HYCC2: variants seen among roughly 807,000 people sequenced by gnomAD.
HYCC2 encodes the protein hyccin PI4KA lipid kinase complex subunit 2, also known as hyccin 2.
At chr2:200,981,894 C>A in the HYCC2 span, 1 of 1,570,564 alleles carries the variant, frequency 6.4e-7, no homozygotes, top group South Asian at 1.2e-5. This position sits in a 1 kb window ranked among gnomAD's most constrained non-coding sequence, Gnocchi z 4.5. Context: ...ATCAGACAGA[C>A]TCAGCAATAG....
chr2:201,057,829 A>G, the HYCC2 span, among the ~76,000 whole-genome samples: 29 of 152,226 alleles, frequency 1.9e-4, no homozygotes, highest in Non-Finnish European at 2.8e-4. Flanking sequence ...GGGAACTCCC[A>G]GTAGGCAAAA....
At chr2:201,033,652 C>A in the HYCC2 span, among the ~76,000 whole-genome samples, 1 of 151,996 alleles carries the variant, frequency 6.6e-6, no homozygotes, top group Non-Finnish European at 1.5e-5. Flanking sequence ...GATCTGCCCG[C>A]CTCGGCCTCC....
the HYCC2 span, among the ~76,000 whole-genome samples, chr2:201,028,560 A>C: frequency 6.6e-6 from 1 of 152,210 alleles, no homozygotes; most frequent in Non-Finnish European, 1.5e-5. Flanking sequence ...CTGACTTCAA[A>C]CTATACTACA....
the HYCC2 span, among the ~76,000 whole-genome samples, chr2:201,007,887 A>T: frequency 6.6e-6 from 1 of 152,218 alleles, no homozygotes; most frequent in African/African-American, 2.4e-5. Context: ...TCCCATTACC[A>T]ATACTTTGTG....
the HYCC2 span, among the ~76,000 whole-genome samples, chr2:201,009,927 C>A: frequency 1.3e-5 from 2 of 151,686 alleles, no homozygotes; most frequent in Non-Finnish European, 2.9e-5. Flanking sequence ...CACAGTGAAA[C>A]CCCATCTGCA....
the HYCC2 span, chr2:200,976,276 C>A: frequency 8.5e-5 from 13 of 152,118 alleles, no homozygotes; most frequent in Admixed American, 2.0e-4. Context: ...TGATCATTGG[C>A]ATGACCCGTT....
the HYCC2 span, chr2:200,980,905 G>A: frequency 1.4e-5 from 3 of 213,488 alleles, no homozygotes; most frequent in African/African-American, 2.3e-5. Flanking sequence ...CCAAAGAATC[G>A]TTTCATAGGG....
chr2:201,017,424 T>A, the HYCC2 span, among the ~76,000 whole-genome samples: 1 of 152,096 alleles, frequency 6.6e-6, no homozygotes, highest in African/African-American at 2.4e-5. Flanking sequence ...ATTTACTAGA[T>A]TATTAGTCCT....
At chr2:200,984,566 G>C in the HYCC2 span, among the ~76,000 whole-genome samples, 1 of 152,172 alleles carries the variant, frequency 6.6e-6, no homozygotes, top group African/African-American at 2.4e-5. Flanking sequence ...ACTTTTCATA[G>C]GTTTTAGTAA....
At chr2:201,049,135 A>G in the HYCC2 span, among the ~76,000 whole-genome samples, 1 of 151,858 alleles carries the variant, frequency 6.6e-6, no homozygotes, top group African/African-American at 2.4e-5. Context: ...AAAAAAAAAA[A>G]AAAGAAAACA....
chr2:201,023,335 C>T, the HYCC2 span, among the ~76,000 whole-genome samples: 8 of 150,786 alleles, frequency 5.3e-5, no homozygotes, highest in African/African-American at 1.5e-4. Flanking sequence ...GGTGACAGAG[C>T]GAGACTCCAT....
the HYCC2 span, among the ~76,000 whole-genome samples, chr2:201,043,755 G>A: frequency 1.3e-5 from 2 of 152,030 alleles, no homozygotes; most frequent in African/African-American, 4.8e-5. Context: ...TGATCCACCC[G>A]CCTCAGCCTC....
chr2:200,999,278 T>C, the HYCC2 span, among the ~76,000 whole-genome samples: 1 of 152,046 alleles, frequency 6.6e-6, no homozygotes, highest in Non-Finnish European at 1.5e-5. Flanking sequence ...TGCAAAACTT[T>C]AAAAAAAATT....
the HYCC2 span, chr2:201,045,591 A>T: frequency 3.0e-5 from 12 of 397,750 alleles, no homozygotes; most frequent in Non-Finnish European, 5.3e-5. Flanking sequence ...ATATTTTCCA[A>T]TTCTATAAAA....
At chr2:200,986,044 T>TAA in the HYCC2 span, among the ~76,000 whole-genome samples, 3 of 152,244 alleles carry the variant, frequency 2.0e-5, no homozygotes, top group Non-Finnish European at 4.4e-5. Flanking sequence ...GGGTTCCACA[T>TAA]CTATTCATCT....
At chr2:200,981,994 A>T in the HYCC2 span, 1 of 956,590 alleles carries the variant, frequency 1.0e-6, no homozygotes, top group Non-Finnish European at 1.5e-6. The surrounding 1 kb of genome is among the most constrained non-coding windows in gnomAD (Gnocchi z 4.5). Context: ...CCCTACTATC[A>T]ACACTTCCCC....
the HYCC2 span, among the ~76,000 whole-genome samples, chr2:201,001,466 T>C: frequency 1.3e-5 from 2 of 152,114 alleles, no homozygotes; most frequent in East Asian, 1.9e-4. Flanking sequence ...AATGGATAAA[T>C]AAAATGTGGT....
chr2:201,002,204 T>G, the HYCC2 span, among the ~76,000 whole-genome samples: 3 of 136,594 alleles, frequency 2.2e-5, no homozygotes, highest in Admixed American at 1.5e-4. Context: ...GAGGTCGAGG[T>G]GGGAGGACTG....
At chr2:201,037,430 C>T in the HYCC2 span, among the ~76,000 whole-genome samples, 1 of 152,152 alleles carries the variant, frequency 6.6e-6, no homozygotes, top group African/African-American at 2.4e-5. Flanking sequence ...GCCCGCATTG[C>T]CAAGTCAATC....
Sources: allele counts gnomAD v4.1 joint callset (sites outside exome capture counted in the v4.1 genomes callset), GRCh38; gene constraint gnomAD v4.1.1; non-coding constraint Gnocchi (gnomAD v3.1); transcripts MANE v1.5; gene names NCBI Gene and HGNC (gene_info 2026-07-23, HGNC 2026-07-21).